The following CENPM variants were observed in gnomAD, a reference collection of about 807,000 sequenced individuals.
The protein encoded by CENPM is interphase centromere complex protein 39.
A neutral mutation model predicts 19.6 loss-of-function variants in CENPM; 14 were observed. The ratio of observed to expected loss-of-function variants is 0.71; its 90% CI spans 0.47 to 1.11. The LOEUF is 1.11. CENPM is among the 50% of genes most tolerant of loss of function. CENPM has a pLI of 0.00. For missense variants in CENPM, 239 were observed against 228.4 expected (o/e 1.05, Z -0.30); for synonymous variants, 114 against 101.5 (o/e 1.12, Z -0.74).
the CENPM span, among the ~76,000 whole-genome samples, chr22:41,932,804 T>C: frequency 6.6e-6 from 1 of 152,156 alleles, no homozygotes; most frequent in Non-Finnish European, 1.5e-5. This position sits in a 1 kb window ranked among gnomAD's most constrained non-coding sequence, Gnocchi z 4.3. Flanking sequence ...CCAGGCCTTA[T>C]TCAGGGTACC....
At chr22:41,941,414 C>T (rs1405795162) in intron 5 of CENPM, among the ~76,000 whole-genome samples, 2 of 152,206 alleles carry the variant, frequency 1.3e-5, no homozygotes, top group African/African-American at 4.8e-5. Flanking sequence ...CTCCTGCTTC[C>T]TGCCCAGGCC....
At position 41,939,025 on chromosome 22, in the gene CENPM, T is replaced by A. The variant is rs2077700001; in HGVS notation, c.*31A>T. 2 of 1,610,638 alleles carry A rather than the reference T, an allele frequency of 1.2e-6. No homozygotes were observed. The highest frequency in any genetic ancestry group is 3.3e-4 in the Middle Eastern group (2 of 6,014). ...TGTTTATGGAGTCAGCACGAAGCCA[T>A]GAGAAGGGGCAGCCCAGGGGCCAGC... On this transcript the variant is annotated 3_prime_UTR_variant, in exon 6 of 6. Coordinates refer to ENST00000215980, the MANE Select transcript of CENPM (RefSeq NM_024053.5).
chr22:41,939,856 G>GAAAAAGAAAGAAAGAAAGAA (rs1221942295), intron 5 of CENPM, among the ~76,000 whole-genome samples: 1 of 27,382 alleles, frequency 3.7e-5, no homozygotes, highest in Non-Finnish European at 5.8e-5. Context: ...AAGAAAGAAA[G>GAAAAAGAAAGAAAGAAAGAA]AAAGAAAGAA....
downstream of CENPM, among the ~76,000 whole-genome samples, chr22:41,937,874 C>T (rs1264177856): frequency 6.6e-6 from 1 of 152,058 alleles, no homozygotes; most frequent in Admixed American, 6.5e-5. Context: ...GACAGAGTCT[C>T]GCTCTGTCGC....
At chr22:41,931,088 G>A in the CENPM span, among the ~76,000 whole-genome samples, 7 of 151,034 alleles carry the variant, frequency 4.6e-5, no homozygotes, top group Non-Finnish European at 5.9e-5. Flanking sequence ...TGCGCGCCTC[G>A]GCCTCCCAAA....
At chr22:41,936,821 G>A (rs1050901251), downstream of CENPM, among the ~76,000 whole-genome samples, 2 of 152,172 alleles carry the variant, frequency 1.3e-5, no homozygotes, top group Non-Finnish European at 2.9e-5. Flanking sequence ...TCAGCTGCTC[G>A]GGAGGCTGAG....
chr22:41,941,771 G>A (rs1425957974), intron 5 of CENPM, among the ~76,000 whole-genome samples: 1 of 152,232 alleles, frequency 6.6e-6, no homozygotes, highest in Non-Finnish European at 1.5e-5. Flanking sequence ...GTGCTGATCT[G>A]GTCAGGGGCT....
At chr22:41,945,447 A>C (rs1053972122) in intron 3 of CENPM, 143 bp from the exon 4 acceptor site, 1 of 1,099,752 alleles carries the variant, frequency 9.1e-7, no homozygotes, top group Non-Finnish European at 1.2e-6. Flanking sequence ...TTGTCCTTTA[A>C]TTTTTTTTTT....
At chr22:41,931,195 G>A in the CENPM span, among the ~76,000 whole-genome samples, 3 of 151,648 alleles carry the variant, frequency 2.0e-5, no homozygotes, top group South Asian at 2.1e-4. Context: ...TGGGCCTGGT[G>A]TGGTGGCTCA....
intron 2 of CENPM, 117 bp downstream of exon 2, chr22:41,946,300 C>A: frequency 1.1e-6 from 1 of 878,132 alleles, no homozygotes; most frequent in Non-Finnish European, 1.8e-6. Context: ...ACGCTGCATG[C>A]TGGGAGAAGG....
At position 41,938,994 on chromosome 22, in the gene CENPM, A is replaced by G; in HGVS notation, c.*62T>C. Reference sequence around the variant, plus strand: ...CAAGCCCTGACTGGACATCCTCAACAGAGAATGTTTATGGAGTCAGCACGA... The same window carrying G: ...CAAGCCCTGACTGGACATCCTCAACGGAGAATGTTTATGGAGTCAGCACGA... On this transcript the variant is annotated 3_prime_UTR_variant, in exon 6 of 6. Transcript: ENST00000215980. 1 of 1,584,876 alleles carries G rather than the reference A, an allele frequency of 6.3e-7. No individual in the cohort carries two copies. The highest frequency in any genetic ancestry group is 8.6e-7 in the Non-Finnish European group (1 of 1,162,006).
Position 41,939,154 on chromosome 22 carries a change from C to T in CENPM, c.445G>A (p.Val149Met), listed in dbSNP as rs994685502. ...RATMAQRLVR[V>M]LQICAGHVPG... is the part of the protein sequence containing the mutation. ...ACGTGGCCAGCACAGATCTGCAGCA[C>T]GCGCACCAGGCGCTGCGCCATGGTG... Residue 149 changes from valine to methionine, a missense_variant, in exon 6 of 6, where the codon GTG (valine) becomes ATG (methionine). Physicochemically the swap from Val to Met is conservative, Grantham distance 21. Coordinates refer to ENST00000215980, the MANE Select transcript of CENPM (RefSeq NM_024053.5). 33 of 1,612,554 alleles carry T rather than the reference C, an allele frequency of 2.0e-5. No homozygotes were observed. Among genetic ancestry groups the T allele is most frequent in the Admixed American group, 3.3e-5 (2 of 59,950 alleles).
chr22:41,940,988 A>G (rs1323895424), intron 5 of CENPM, among the ~76,000 whole-genome samples: 1 of 152,142 alleles, frequency 6.6e-6, no homozygotes, highest in African/African-American at 2.4e-5. Flanking sequence ...GAAATGACCT[A>G]ATTCTACCAC....
the CENPM span, among the ~76,000 whole-genome samples, chr22:41,931,682 G>A: frequency 6.6e-6 from 1 of 152,344 alleles, no homozygotes; most frequent in South Asian, 2.1e-4. Flanking sequence ...GCAGATGGGA[G>A]GGGCCTGCAG....
At chr22:41,946,523 C>T (rs368847659) in intron 1 of CENPM, 27 bp from the exon 2 acceptor site, 8 of 1,604,484 alleles carry the variant, frequency 5.0e-6, no homozygotes, top group Non-Finnish European at 6.8e-6. Context: ...AGCGGACAGT[C>T]GAGCCCTAGG....
the CENPM span, among the ~76,000 whole-genome samples, chr22:41,927,828 G>A: frequency 1.3e-5 from 2 of 152,188 alleles, no homozygotes; most frequent in Non-Finnish European, 2.9e-5. Flanking sequence ...CCAGGCCCAA[G>A]TAGCATGTGG....
chr22:41,946,963 C>T (rs1454431474), intron 1 of CENPM, 57 bp downstream of exon 1: 6 of 1,576,362 alleles, frequency 3.8e-6, no homozygotes, highest in Non-Finnish European at 4.4e-6. Context: ...GACCTAGTGG[C>T]TGAAGCACCG....
At chr22:41,939,558 C>G (rs12160460) in intron 5 of CENPM, among the ~76,000 whole-genome samples, 11,157 of 151,956 alleles carry the variant, frequency 0.073, 1,343 homozygotes, top group African/African-American at 0.25. Flanking sequence ...CCAGGCAGCT[C>G]GGGCCCCAGA....
At chr22:41,935,571 C>G (rs2077680229), downstream of CENPM, among the ~76,000 whole-genome samples, 1 of 152,194 alleles carries the variant, frequency 6.6e-6, no homozygotes, top group African/African-American at 2.4e-5. Context: ...CCAGCCTCTT[C>G]CTTCTGCCCT....
Sources: gnomAD v4.1 joint callset for allele counts (sites outside exome capture counted in the v4.1 genomes callset) on GRCh38, gnomAD v4.1.1 for gene constraint, Gnocchi (gnomAD v3.1) non-coding constraint, MANE v1.5 for transcripts, NCBI Gene and HGNC (gene_info 2026-07-23, HGNC 2026-07-21) for gene names.